Variants in PSD3 observed in about 807,000 individuals in gnomAD.
PSD3 encodes PH and SEC7 domain-containing protein 3.
PSD3 carries 49 observed loss-of-function variants against 105.5 expected under a neutral mutation model. That is an observed-to-expected ratio of 0.46 (90% CI 0.37 to 0.59). The LOEUF (loss-of-function observed/expected upper bound fraction) is 0.59. Ranked by LOEUF, PSD3 falls within the 20% of genes least tolerant of loss-of-function variation. The pLI, the probability that PSD3 is intolerant of heterozygous loss-of-function variation, is 0.00. For missense variants in PSD3, 1,561 were observed against 1,263.8 expected (o/e 1.24, Z -3.57); for synonymous variants, 557 against 457.8 (o/e 1.22, Z -2.77).
intron 4 of PSD3, among the ~76,000 whole-genome samples, chr8:18,846,223 A>C (rs1227127745): frequency 6.6e-6 from 1 of 152,180 alleles, no homozygotes; most frequent in African/African-American, 2.4e-5. Context: ...TGATATCATT[A>C]CCAAGAAGGC....
At chr8:18,781,282 T>A (rs1250139575) in intron 8 of PSD3, among the ~76,000 whole-genome samples, 2 of 152,222 alleles carry the variant, frequency 1.3e-5, no homozygotes, top group African/African-American at 4.8e-5. Flanking sequence ...TCAATGCCCT[T>A]AAGCAGTTAT....
rs114869152 is a variant in PSD3, at chr8:18,793,514, A to G, written c.2082+5781T>C. ...GTTAGAAATCAAAAGATCTTTGCAA[A>G]TAATAATTTAGGAAAAAAAGCCAGG... On this transcript the variant is annotated intron_variant, in intron 8 of 15. Transcript: ENST00000327040. 3.8e-3 allele frequency among the ~76,000 whole-genome samples: 585 copies of G among 152,206 alleles called. 5 individuals are homozygous for G. Among genetic ancestry groups the G allele is most frequent in the African/African-American group, 0.014 (566 of 41,522 alleles).
chr8:18,879,724 G>T (rs2129458470), intron 2 of PSD3, among the ~76,000 whole-genome samples: 1 of 152,198 alleles, frequency 6.6e-6, no homozygotes, highest in East Asian at 1.9e-4. Flanking sequence ...TGGAGTAGCT[G>T]GAACCACAGG....
At chr8:18,896,664 C>T (rs550474974) in intron 2 of PSD3, among the ~76,000 whole-genome samples, 4 of 152,190 alleles carry the variant, frequency 2.6e-5, no homozygotes, top group Admixed American at 6.5e-5. Context: ...CTGCCCACCT[C>T]GGCCTCCCAA....
At chr8:18,653,200 A>G (rs995325373) in intron 10 of PSD3, among the ~76,000 whole-genome samples, 12 of 152,118 alleles carry the variant, frequency 7.9e-5, no homozygotes, top group Non-Finnish European at 1.3e-4. Flanking sequence ...TTTACAGAAT[A>G]TTAGAACTAG....
chr8:18,708,128 G>A (rs1802010330), intron 9 of PSD3, among the ~76,000 whole-genome samples: 1 of 152,192 alleles, frequency 6.6e-6, no homozygotes, highest in African/African-American at 2.4e-5. Flanking sequence ...ACAGACAGAG[G>A]AATCCTGACT....
intron 1 of PSD3, among the ~76,000 whole-genome samples, chr8:18,975,311 G>GGA (rs1554557452): frequency 4.2e-5 from 2 of 48,180 alleles, no homozygotes; most frequent in Non-Finnish European, 1.3e-4. Flanking sequence ...AACATTTTCT[G>GGA]AAATTTTTTT....
chr8:18,651,139 C>T (rs13256549), intron 10 of PSD3, among the ~76,000 whole-genome samples: 39,269 of 152,122 alleles, frequency 0.26, 5,301 homozygotes, highest in South Asian at 0.44. Context: ...TTTTGATCAG[C>T]TGAACTAGGC....
intron 1 of PSD3, among the ~76,000 whole-genome samples, chr8:19,056,736 C>G (rs1050781869): frequency 6.6e-6 from 1 of 152,120 alleles, no homozygotes. Flanking sequence ...GCAAATATAT[C>G]CAAATATCCC....
chr8:18,901,870 G>A (rs555963820), intron 2 of PSD3, among the ~76,000 whole-genome samples: 2 of 152,298 alleles, frequency 1.3e-5, no homozygotes, highest in South Asian at 4.1e-4. Context: ...CTCCTAGCCT[G>A]TAAGGTTTCT....
chr8:18,979,804 A>G (rs1825158617), intron 1 of PSD3: 1 of 152,778 alleles, frequency 6.5e-6, no homozygotes, highest in African/African-American at 2.4e-5. Context: ...AAAAGAATAT[A>G]CTCTCCTACT....
At chr8:18,544,367 C>T (rs1399524749) in intron 15 of PSD3, among the ~76,000 whole-genome samples, 1 of 151,836 alleles carries the variant, frequency 6.6e-6, no homozygotes, top group Non-Finnish European at 1.5e-5. Context: ...GCATTCAAAA[C>T]AGAGTTCCTG....
chr8:18,638,849 A>T (rs1377841153), intron 10 of PSD3, among the ~76,000 whole-genome samples: 1 of 152,232 alleles, frequency 6.6e-6, no homozygotes, highest in Non-Finnish European at 1.5e-5. Flanking sequence ...AAGTTACTGT[A>T]ATCAAAACAG....
chr8:18,718,440 CAA>C (rs1427076993), intron 9 of PSD3, among the ~76,000 whole-genome samples: 1 of 152,162 alleles, frequency 6.6e-6, no homozygotes, highest in Non-Finnish European at 1.5e-5. Flanking sequence ...ACAGGGATTA[CAA>C]AGAGGTTAGA....
chr8:18,851,397 A>G (rs1815549027), intron 4 of PSD3, among the ~76,000 whole-genome samples: 1 of 152,222 alleles, frequency 6.6e-6, no homozygotes, highest in Admixed American at 6.5e-5. Context: ...CAACTGAACC[A>G]CAGCCTCCGG....
At chr8:18,782,630 C>T (rs930525590) in intron 8 of PSD3, among the ~76,000 whole-genome samples, 6 of 152,164 alleles carry the variant, frequency 3.9e-5, no homozygotes, top group Non-Finnish European at 8.8e-5. Context: ...GTCAGGAGGA[C>T]GAATCCTTGG....
intron 15 of PSD3, among the ~76,000 whole-genome samples, chr8:18,545,894 T>C (rs1800424054): frequency 6.6e-6 from 1 of 152,176 alleles, no homozygotes; most frequent in Non-Finnish European, 1.5e-5. Flanking sequence ...TAAAGTGTGA[T>C]TTGAGGAGCA....
chr8:18,570,496 G>C (rs1585267743), intron 14 of PSD3, among the ~76,000 whole-genome samples: 6 of 147,878 alleles, frequency 4.1e-5, no homozygotes, highest in African/African-American at 1.5e-4. Context: ...AAGAGCTTCT[G>C]CACAGCAAAA....
chr8:18,542,398 G>C (rs1289325449), intron 15 of PSD3, among the ~76,000 whole-genome samples: 1 of 152,136 alleles, frequency 6.6e-6, no homozygotes, highest in East Asian at 1.9e-4. Context: ...CTGGGTCAGA[G>C]GATATTAGCC....
Sources: allele counts gnomAD v4.1 joint callset (sites outside exome capture counted in the v4.1 genomes callset), GRCh38; gene constraint gnomAD v4.1.1; transcripts MANE v1.5; gene names NCBI Gene and HGNC (gene_info 2026-07-23, HGNC 2026-07-21).